MCTP1: variants seen among roughly 807,000 people sequenced by gnomAD.
MCTP1 encodes the protein multiple C2 and transmembrane domain-containing protein 1.
A neutral mutation model predicts 120.6 loss-of-function variants in MCTP1; 69 were observed. That is an observed-to-expected ratio of 0.57 (90% CI 0.47 to 0.70). MCTP1 has a LOEUF of 0.70. MCTP1 is among the 30% of genes least tolerant of loss of function. The pLI, the probability that MCTP1 is intolerant of heterozygous loss-of-function variation, is 0.00. For synonymous variants in MCTP1, 529 were observed against 493.1 expected, an observed-to-expected ratio of 1.07 and a Z score of -0.96; for missense variants, 1,203 against 1,248.8, an observed-to-expected ratio of 0.96 and a Z score of 0.55.
chr5:95,126,105 C>G (rs1309109873), intron 1 of MCTP1, among the ~76,000 whole-genome samples: 1 of 152,074 alleles, frequency 6.6e-6, no homozygotes, highest in East Asian at 1.9e-4. Flanking sequence ...TGTGCTAGAG[C>G]TATGGGGGGA....
intron 1 of MCTP1, among the ~76,000 whole-genome samples, chr5:95,260,439 C>CA (rs1393829716): frequency 6.6e-6 from 1 of 152,100 alleles, no homozygotes; most frequent in South Asian, 2.1e-4. Context: ...CAACTCATTA[C>CA]AAAAAGAGTT....
chr5:94,767,100 T>C (rs1239312913), intron 19 of MCTP1, among the ~76,000 whole-genome samples: 2 of 152,218 alleles, frequency 1.3e-5, no homozygotes, highest in African/African-American at 4.8e-5. Context: ...ATCTGAGGCA[T>C]GCAAGGATTG....
chr5:95,014,353 A>G (rs1836660795), intron 2 of MCTP1, among the ~76,000 whole-genome samples: 1 of 152,126 alleles, frequency 6.6e-6, no homozygotes, highest in Non-Finnish European at 1.5e-5. Flanking sequence ...TTTAACCCTT[A>G]TGGATGACTT....
chr5:94,707,717 T>G (rs188368929), intron 22 of MCTP1, 150 bp from the exon 23 acceptor site: 2 of 638,174 alleles, frequency 3.1e-6, no homozygotes, highest in Admixed American at 2.8e-5. Context: ...CAGAAAGCAA[T>G]AGAATGACAG....
intron 19 of MCTP1, among the ~76,000 whole-genome samples, chr5:94,738,796 T>A (rs1764859196): frequency 6.6e-6 from 1 of 152,190 alleles, no homozygotes; most frequent in South Asian, 2.1e-4. Context: ...GTTGTGTGTT[T>A]TAAAATATCC....
chr5:95,029,654 A>G (rs1166586808), intron 1 of MCTP1, among the ~76,000 whole-genome samples: 1 of 152,162 alleles, frequency 6.6e-6, no homozygotes, highest in East Asian at 1.9e-4. Context: ...CACCTCTCTG[A>G]CAATCTCCGG....
intron 1 of MCTP1, among the ~76,000 whole-genome samples, chr5:95,173,882 C>T (rs1747653993): frequency 7.5e-6 from 1 of 133,510 alleles, no homozygotes; most frequent in South Asian, 2.3e-4. Flanking sequence ...AGAAACAAAT[C>T]AGAGAACAAG....
intron 17 of MCTP1, among the ~76,000 whole-genome samples, chr5:94,838,620 C>T (rs1041191515): frequency 6.6e-6 from 1 of 152,132 alleles, no homozygotes. Flanking sequence ...AAGTCTTTAC[C>T]CATTTGAACT....
chr5:95,117,527 G>T (rs546190148), intron 1 of MCTP1, among the ~76,000 whole-genome samples: 1 of 152,160 alleles, frequency 6.6e-6, no homozygotes, highest in African/African-American at 2.4e-5. Context: ...ATGTTGGCAA[G>T]GTTGCAGAGA....
chr5:95,126,445 C>G (rs962585464), intron 1 of MCTP1, among the ~76,000 whole-genome samples: 6 of 152,162 alleles, frequency 3.9e-5, no homozygotes, highest in African/African-American at 1.4e-4. Context: ...TTTTAACTTT[C>G]ATGTACCTAA....
intron 1 of MCTP1, among the ~76,000 whole-genome samples, chr5:95,125,141 T>C (rs894146264): frequency 6.6e-6 from 1 of 152,226 alleles, no homozygotes; most frequent in Non-Finnish European, 1.5e-5. Context: ...AAGGGAGTAA[T>C]ACCCATCAAT....
intron 17 of MCTP1, among the ~76,000 whole-genome samples, chr5:94,821,467 A>C (rs1785635524): frequency 6.6e-6 from 1 of 152,200 alleles, no homozygotes; most frequent in African/African-American, 2.4e-5. Flanking sequence ...CACCTTCAGC[A>C]CTAGAATTAA....
At chr5:95,060,229 G>C (rs1748574585) in intron 1 of MCTP1, among the ~76,000 whole-genome samples, 1 of 152,070 alleles carries the variant, frequency 6.6e-6, no homozygotes. Context: ...CAGGTACCTG[G>C]AGCTAGAGGG....
At chr5:94,721,477 C>G (rs1197571993) in intron 19 of MCTP1, among the ~76,000 whole-genome samples, 1 of 152,178 alleles carries the variant, frequency 6.6e-6, no homozygotes, top group Non-Finnish European at 1.5e-5. Flanking sequence ...CTCCCTTACC[C>G]TCAACTGCCA....
intron 1 of MCTP1, among the ~76,000 whole-genome samples, chr5:95,091,804 A>C (rs910562009): frequency 2.0e-5 from 3 of 152,262 alleles, no homozygotes; most frequent in Admixed American, 2.0e-4. Context: ...TTAAGCTGCT[A>C]GGTTTCAGCT....
At chr5:95,052,406 T>A (rs930016001) in intron 1 of MCTP1, among the ~76,000 whole-genome samples, 4 of 152,062 alleles carry the variant, frequency 2.6e-5, no homozygotes, top group African/African-American at 9.7e-5. Context: ...ATACTGAGAG[T>A]TGATATAATT....
chr5:94,759,365 A>G (rs1243869791), intron 19 of MCTP1, among the ~76,000 whole-genome samples: 1 of 152,220 alleles, frequency 6.6e-6, no homozygotes, highest in East Asian at 1.9e-4. Flanking sequence ...TCCACTGGGA[A>G]TGCTACCTAC....
At chr5:94,972,892 G>A (rs760841428) in intron 2 of MCTP1, among the ~76,000 whole-genome samples, 14 of 150,426 alleles carry the variant, frequency 9.3e-5, no homozygotes, top group Non-Finnish European at 1.6e-4. Context: ...AGGCAAGGGG[G>A]TTTCTCATTT....
At chr5:94,850,577 G>A (rs1348653309) in intron 17 of MCTP1, among the ~76,000 whole-genome samples, 1 of 152,114 alleles carries the variant, frequency 6.6e-6, no homozygotes, top group African/African-American at 2.4e-5. Context: ...CCGGGAACAT[G>A]TAAAGACTGC....
Sources: allele counts gnomAD v4.1 joint callset (sites outside exome capture counted in the v4.1 genomes callset), GRCh38; gene constraint gnomAD v4.1.1; transcripts MANE v1.5; gene names NCBI Gene and HGNC (gene_info 2026-07-23, HGNC 2026-07-21).